LRBA: variants seen among roughly 807,000 people sequenced by gnomAD.
The protein encoded by LRBA is LPS responsive beige-like anchor protein.
In LRBA, 176 loss-of-function variants were observed where a neutral mutation model predicts 330.0. The ratio of observed to expected loss-of-function variants is 0.53; its 90% CI spans 0.47 to 0.60. LRBA has a LOEUF of 0.60. Ranked by LOEUF, LRBA falls within the 20% of genes least tolerant of loss-of-function variation. LRBA has a pLI of 0.00. For missense variants in LRBA, 3,259 were observed against 3,444.8 expected, an observed-to-expected ratio of 0.95 and a Z score of 1.35; for synonymous variants, 1,230 against 1,193.0, an observed-to-expected ratio of 1.03 and a Z score of -0.64.
At chr4:150,801,838 G>C (rs1025074835) in intron 33 of LRBA, among the ~76,000 whole-genome samples, 4 of 151,910 alleles carry the variant, frequency 2.6e-5, no homozygotes, top group Non-Finnish European at 5.9e-5. Flanking sequence ...CCCAAAAAAA[G>C]TTTTTGCCCC....
intron 2 of LRBA, among the ~76,000 whole-genome samples, chr4:150,963,610 A>G (rs1738446736): frequency 6.7e-6 from 1 of 149,024 alleles, no homozygotes; most frequent in African/African-American, 2.6e-5. Context: ...CTGCCACCCC[A>G]TATAGGAAGT....
intron 44 of LRBA, among the ~76,000 whole-genome samples, chr4:150,454,204 C>A (rs144490417): frequency 0.043 from 6,479 of 152,156 alleles, 255 homozygotes; most frequent in East Asian, 0.11. Flanking sequence ...CATGATCTGA[C>A]CGCCTTGGCC....
At chr4:150,784,260 A>G (rs1373354462) in intron 34 of LRBA, among the ~76,000 whole-genome samples, 1 of 152,182 alleles carries the variant, frequency 6.6e-6, no homozygotes, top group African/African-American at 2.4e-5. Context: ...AGGCAGATAG[A>G]GAGGAAAAGG....
intron 37 of LRBA, among the ~76,000 whole-genome samples, chr4:150,607,966 C>T (rs910324607): frequency 1.3e-5 from 2 of 152,106 alleles, no homozygotes; most frequent in African/African-American, 2.4e-5. Context: ...ACCTGGGAGG[C>T]AGAAGTTGCA....
chr4:150,405,617 A>G (rs1168682532), intron 47 of LRBA, among the ~76,000 whole-genome samples: 2 of 152,088 alleles, frequency 1.3e-5, no homozygotes, highest in South Asian at 2.1e-4. Flanking sequence ...CATTTATAAC[A>G]CTGCATAGTA....
chr4:150,493,506 A>G (rs193254340), intron 40 of LRBA, among the ~76,000 whole-genome samples: 1 of 152,328 alleles, frequency 6.6e-6, no homozygotes, highest in Non-Finnish European at 1.5e-5. Context: ...AAAATTTCAC[A>G]TGGTTGAAAA....
chr4:150,421,145 CATTATATTAT>C (rs1288641750), intron 46 of LRBA, among the ~76,000 whole-genome samples: 1 of 98,878 alleles, frequency 1.0e-5, no homozygotes, highest in Non-Finnish European at 2.0e-5. Context: ...ATATAATATA[CATTATATTAT>C]ATATAAAGTA....
In LRBA at chr4:150,964,085, T is replaced by G. The variant is rs1166746871; in HGVS notation, c.217-35020A>C. 2.0e-5 allele frequency among the ~76,000 whole-genome samples: 3 copies of G among 147,482 alleles called. 1 individual carries two copies. Among genetic ancestry groups the G allele is most frequent in the African/African-American group, 8.0e-5 (3 of 37,626 alleles). On this transcript the variant is annotated intron_variant, in intron 2 of 56. Coordinates refer to ENST00000651943, the MANE Select transcript of LRBA (RefSeq NM_001364905.1). ...CCCGGCAGCCTCCCCGTCCGGGAAG[T>G]GAGGAGCGTCTCCGCCCGGCAGCCG...
chr4:150,828,920 GGGGTGTGTGTGT>G (rs1172121853), intron 29 of LRBA, among the ~76,000 whole-genome samples: 31 of 53,316 alleles, frequency 5.8e-4, no homozygotes, highest in East Asian at 3.4e-3. Flanking sequence ...ATCTTTTTTG[GGGGTGTGTGTGT>G]GTGTGTGTGT....
In LRBA at chr4:150,768,175, C is replaced by T. The variant is rs115167740; in HGVS notation, c.5581-6328G>A. Among the ~76,000 whole-genome samples the T allele has an allele frequency of 8.5e-3, 1,263 of 148,970 alleles. 12 individuals carry two copies. Among genetic ancestry groups the T allele is most frequent in the Middle Eastern group, 0.018 (5 of 280 alleles). ...AGAGGGGGCAACAGTACATGAGATA[C>T]ATTAAGAAATTTATTTTACAACCTG... On this transcript the variant is annotated intron_variant, in intron 34 of 56. Transcript: ENST00000651943.
Position 150,342,893 on chromosome 4 carries a change from T to A in LRBA, c.7362+7099A>T, listed in dbSNP as rs551025064. Among the ~76,000 whole-genome samples, 34 of 152,332 alleles carry A rather than the reference T, an allele frequency of 2.2e-4. No individual in the cohort carries two copies. In the South Asian group the frequency reaches 6.4e-3, roughly 29 times the overall value. ...AGAAATTAGTCTAATTTGCTTTTGATACTGGAAAGGTACAAATCTATCCTT... is the reference window on the plus strand; with the variant it reads ...AGAAATTAGTCTAATTTGCTTTTGAAACTGGAAAGGTACAAATCTATCCTT... On this transcript the variant is annotated intron_variant, in intron 48 of 56. Transcript: ENST00000651943.
chr4:150,361,772 C>CTT lies in LRBA; in HGVS notation c.7195-11615_7195-11614dup, dbSNP rs568876677. 6.2e-3 allele frequency among the ~76,000 whole-genome samples: 868 copies of CTT among 139,700 alleles called. 11 individuals carry two copies. The highest frequency in any genetic ancestry group is 0.032 in the East Asian group (153 of 4,712). The allele number at this position is 139,700 out of a possible 152,430, so 91.6% of individuals were successfully genotyped here. On this transcript the variant is annotated intron_variant, in intron 47 of 56. Transcript: ENST00000651943. The stretch of plus-strand genomic sequence containing the variant: ...AAAATGCCAACTGCCCATCATACTA[C>CTT]TTTTTTTTTTTTTTTTGAGACGGAG...
chr4:150,812,002 C>T (rs1308339906), intron 31 of LRBA, among the ~76,000 whole-genome samples: 1 of 152,018 alleles, frequency 6.6e-6, no homozygotes, highest in East Asian at 1.9e-4. Flanking sequence ...CATAAGAAGA[C>T]ACTTTACCAA....
At position 150,321,383 on chromosome 4, in the gene LRBA, A is replaced by C; in HGVS notation, c.7453-15T>G. 8 of 1,563,784 alleles carry C rather than the reference A, an allele frequency of 5.1e-6. No homozygotes were observed. The highest frequency in any genetic ancestry group is 6.9e-6 in the Non-Finnish European group (8 of 1,161,952). On this transcript the variant is annotated splice_polypyrimidine_tract_variant and intron_variant, in intron 49 of 56. Coordinates refer to ENST00000651943, the MANE Select transcript of LRBA (RefSeq NM_001364905.1). This position sits in a 1 kb window ranked among gnomAD's most constrained non-coding sequence, Gnocchi z 4.5. ...ATCAATGGACTCTGCAGGAGGAGAT[A>C]CTGTTGAGTGGGCATGACAAGACCC...
intron 54 of LRBA, among the ~76,000 whole-genome samples, chr4:150,285,533 A>C (rs1266746635): frequency 6.6e-6 from 1 of 152,236 alleles, no homozygotes; most frequent in Non-Finnish European, 1.5e-5. Context: ...GCCCAGTAAT[A>C]GCTCAGAAGA....
chr4:150,980,785 G>GAA, intron 2 of LRBA, among the ~76,000 whole-genome samples: 1 of 152,294 alleles, frequency 6.6e-6, no homozygotes, highest in East Asian at 1.9e-4. Flanking sequence ...ATTCAGTAAA[G>GAA]TTGTAGAATA....
chr4:150,320,757 T>C (rs1203529662), intron 50 of LRBA, among the ~76,000 whole-genome samples: 1 of 152,146 alleles, frequency 6.6e-6, no homozygotes, highest in Admixed American at 6.6e-5. Context: ...CAGCGAGCTA[T>C]GATCACACCA....
At chr4:150,666,303 C>T (rs934642344) in intron 37 of LRBA, among the ~76,000 whole-genome samples, 1 of 152,068 alleles carries the variant, frequency 6.6e-6, no homozygotes, top group African/African-American at 2.4e-5. Context: ...GAGGCTGAGG[C>T]AGGCGGTTCA....
At chr4:150,614,478 C>T (rs1775572901) in intron 37 of LRBA, among the ~76,000 whole-genome samples, 1 of 152,124 alleles carries the variant, frequency 6.6e-6, no homozygotes, top group South Asian at 2.1e-4. Flanking sequence ...TCAGATTTAT[C>T]CTATCAAGGT....
Sources: allele counts gnomAD v4.1 joint callset (sites outside exome capture counted in the v4.1 genomes callset), GRCh38; gene constraint gnomAD v4.1.1; non-coding constraint Gnocchi (gnomAD v3.1); transcripts MANE v1.5; gene names NCBI Gene and HGNC (gene_info 2026-07-23, HGNC 2026-07-21).